Variants in DENND1B observed in about 807,000 individuals in gnomAD.
DENND1B encodes DENN domain-containing protein 1B.
In DENND1B, 59 loss-of-function variants were observed where a neutral mutation model predicts 90.1. The observed-to-expected ratio is 0.65, with a 90% CI of 0.53 to 0.81. The LOEUF (loss-of-function observed/expected upper bound fraction) is 0.81, where lower values mean the gene tolerates loss of function less well. Ranked by LOEUF, DENND1B falls within the 40% of genes least tolerant of loss-of-function variation. The pLI, the probability that DENND1B is intolerant of heterozygous loss-of-function variation, is 0.00. For synonymous variants in DENND1B, 337 were observed against 324.6 expected (o/e 1.04, Z -0.41); for missense variants, 862 against 912.6 (o/e 0.94, Z 0.71).
rs548479180 is a variant in DENND1B at position 197,577,959 on chromosome 1, C to T, written c.1149+5193G>A. Among the ~76,000 whole-genome samples the T allele has an allele frequency of 3.3e-5, 5 of 152,030 alleles. No homozygotes were observed. In the South Asian group the frequency reaches 6.2e-4, roughly 19 times the overall value. On this transcript the variant is annotated intron_variant, in intron 15 of 22. Coordinates refer to ENST00000620048, the MANE Select transcript of DENND1B (RefSeq NM_001195215.2). ...GAAAATACAGCCTATTACTGGATGA[C>T]GTATAAACATTAAAAATATATATGT...
chr1:197,577,216 C>G (rs890447251), intron 15 of DENND1B, among the ~76,000 whole-genome samples: 1 of 151,992 alleles, frequency 6.6e-6, no homozygotes, highest in Non-Finnish European at 1.5e-5. Context: ...GAACAGAGCT[C>G]TAAAGGAATA....
At chr1:197,716,051 T>TAACA (rs1328237397) in intron 2 of DENND1B, among the ~76,000 whole-genome samples, 1 of 151,874 alleles carries the variant, frequency 6.6e-6, no homozygotes, top group Non-Finnish European at 1.5e-5. Context: ...GGATCAAAGA[T>TAACA]AACACTTCAT....
chr1:197,720,213 C>G (rs1054910773), intron 2 of DENND1B, among the ~76,000 whole-genome samples: 1 of 151,998 alleles, frequency 6.6e-6, no homozygotes, highest in Admixed American at 6.6e-5. Context: ...ATTACATCTT[C>G]CAAAATAATT....
intron 2 of DENND1B, among the ~76,000 whole-genome samples, chr1:197,746,549 G>A (rs207460977): frequency 2.0e-5 from 3 of 152,012 alleles, no homozygotes; most frequent in African/African-American, 7.3e-5. Flanking sequence ...ATACAAATAT[G>A]AGAATGCTTC....
intron 7 of DENND1B, among the ~76,000 whole-genome samples, chr1:197,649,377 G>A (rs1446001147): frequency 6.6e-6 from 1 of 152,080 alleles, no homozygotes; most frequent in Non-Finnish European, 1.5e-5. Flanking sequence ...AGAGGCTCTA[G>A]ACTAAGAACT....
intron 7 of DENND1B, 79 bp from the exon 8 acceptor site, chr1:197,647,193 G>T (rs1680797708): frequency 1.0e-6 from 1 of 973,490 alleles, no homozygotes; most frequent in Non-Finnish European, 1.4e-6. Context: ...GTGTAATTGA[G>T]ACAAACCCAT....
intron 7 of DENND1B, among the ~76,000 whole-genome samples, chr1:197,648,183 A>T (rs1680903193): frequency 6.6e-6 from 1 of 152,136 alleles, no homozygotes; most frequent in Non-Finnish European, 1.5e-5. Context: ...CTACCAACCA[A>T]CACCTGAATA....
upstream of DENND1B, among the ~76,000 whole-genome samples, chr1:197,779,271 T>C (rs1558512244): frequency 6.6e-6 from 1 of 152,348 alleles, no homozygotes; most frequent in East Asian, 1.9e-4. Flanking sequence ...AGTTCCCTAA[T>C]AACAATTGGA....
intron 3 of DENND1B, among the ~76,000 whole-genome samples, chr1:197,678,128 T>C (rs1656280447): frequency 6.6e-6 from 1 of 152,188 alleles, no homozygotes; most frequent in African/African-American, 2.4e-5. Flanking sequence ...TTATCTATGC[T>C]CAGTTTAGCC....
chr1:197,601,790 A>G (rs1676235461), intron 13 of DENND1B, among the ~76,000 whole-genome samples: 1 of 151,676 alleles, frequency 6.6e-6, no homozygotes, highest in African/African-American at 2.4e-5. Flanking sequence ...ACTAACAAAA[A>G]TATTTTAAAT....
chr1:197,648,260 C>T (rs951542048), intron 7 of DENND1B, among the ~76,000 whole-genome samples: 6 of 152,090 alleles, frequency 3.9e-5, no homozygotes, highest in Non-Finnish European at 8.8e-5. Context: ...CAAAAGTTGA[C>T]ATGCTCAATT....
At chr1:197,653,845 T>C (rs910516487) in intron 6 of DENND1B, among the ~76,000 whole-genome samples, 1 of 152,140 alleles carries the variant, frequency 6.6e-6, no homozygotes, top group South Asian at 2.1e-4. Context: ...CTAATATAAT[T>C]AATGTGAATT....
upstream of DENND1B, among the ~76,000 whole-genome samples, chr1:197,778,362 T>C (rs1241584444): frequency 2.0e-5 from 3 of 152,116 alleles, no homozygotes; most frequent in African/African-American, 7.2e-5. Flanking sequence ...CCCTAGACAA[T>C]TTGCATGTAT....
intron 15 of DENND1B, among the ~76,000 whole-genome samples, chr1:197,565,537 G>A (rs1672565782): frequency 6.7e-6 from 1 of 150,078 alleles, no homozygotes; most frequent in South Asian, 2.1e-4. Flanking sequence ...TGTGCACAAT[G>A]TGCAGGTTAG....
intron 2 of DENND1B, among the ~76,000 whole-genome samples, chr1:197,715,726 T>C (rs947276605): frequency 3.3e-5 from 5 of 151,886 alleles, no homozygotes; most frequent in Non-Finnish European, 5.9e-5. Context: ...AAATCAATAT[T>C]GTTTATAAAT....
At position 197,634,725 on chromosome 1, in the gene DENND1B, C is replaced by T. The variant is rs139364784; in HGVS notation, c.672+7986G>A. ...TGCCTAGGCCGGGCACAGTAGCTCA[C>T]GCCTGTGATCCCAGCAACTTTGGGA... On this transcript the variant is annotated intron_variant, in intron 10 of 22. Coordinates refer to ENST00000620048, the MANE Select transcript of DENND1B (RefSeq NM_001195215.2). Among the ~76,000 whole-genome samples, 120 of 152,298 alleles carry T rather than the reference C, an allele frequency of 7.9e-4. 1 individual carries two copies. Among genetic ancestry groups the T allele is most frequent in the African/African-American group, 2.8e-3 (117 of 41,586 alleles).
chr1:197,630,514 A>G (rs1166258033), intron 10 of DENND1B, among the ~76,000 whole-genome samples: 2 of 152,118 alleles, frequency 1.3e-5, no homozygotes, highest in African/African-American at 4.8e-5. Flanking sequence ...TTTAAATTCC[A>G]AAAATACAAA....
At chr1:197,554,832 CAAAAAAAAA>C (rs11440581) in intron 15 of DENND1B, among the ~76,000 whole-genome samples, 1 of 69,402 alleles carries the variant, frequency 1.4e-5, no homozygotes, top group Non-Finnish European at 2.4e-5. Context: ...GACTCCATCT[CAAAAAAAAA>C]AAAAAAAAAA....
intron 16 of DENND1B, among the ~76,000 whole-genome samples, chr1:197,551,480 T>C (rs148917435): frequency 0.014 from 2,148 of 152,222 alleles, 24 homozygotes; most frequent in Non-Finnish European, 0.02. Context: ...CAGATACTTA[T>C]CGGTAATCAT....
Sources: gnomAD v4.1 joint callset for allele counts (sites outside exome capture counted in the v4.1 genomes callset) on GRCh38, gnomAD v4.1.1 for gene constraint, MANE v1.5 for transcripts, NCBI Gene and HGNC (gene_info 2026-07-23, HGNC 2026-07-21) for gene names.